The following UTRN variants were observed in gnomAD, a reference collection of about 807,000 sequenced individuals.
UTRN encodes utrophin.
UTRN carries 283 observed loss-of-function variants against 463.9 expected under a neutral mutation model. The observed-to-expected ratio is 0.61, with a 90% CI of 0.55 to 0.67. UTRN has a LOEUF of 0.67. UTRN is among the 30% of genes least tolerant of loss of function. The pLI, the probability that UTRN is intolerant of heterozygous loss-of-function variation, is 0.00. For missense variants in UTRN, 3,922 were observed against 4,084.3 expected (o/e 0.96, Z 1.08); for synonymous variants, 1,442 against 1,431.5 (o/e 1.01, Z -0.17).
In UTRN at chr6:144,458,815, C is replaced by T. The variant is rs867404357; in HGVS notation, c.2330C>T (p.Ser777Leu). Residue 777 changes from serine (S) to leucine (L), a missense_variant, in exon 20 of 75, where the codon TCA (serine) becomes TTA (leucine). By Grantham distance (145) the Ser-to-Leu change is moderately radical (BLOSUM62 -2). This residue lies in a region of UTRN where 2,349 missense variants were observed against 2,303.8 expected (regional missense o/e 1.02). Coordinates refer to ENST00000367545, the MANE Select transcript of UTRN (RefSeq NM_007124.3). ...ATAAAAAATGTTCTGGAGAAGGTTT[C>T]ATCAGAATGGAAGAATGTATCTCAA... ...EEIKNVLEKV[S>L]SEWKNVSQHL... 9 of 1,610,100 alleles carry T rather than the reference C, an allele frequency of 5.6e-6. No individual in the cohort carries two copies. In the African/African-American group the frequency reaches 1.2e-4, roughly 22 times the overall value.
intron 51 of UTRN, among the ~76,000 whole-genome samples, chr6:144,580,529 C>T (rs1801875118): frequency 6.6e-6 from 1 of 152,128 alleles, no homozygotes; most frequent in African/African-American, 2.4e-5. Flanking sequence ...ACATGCCATT[C>T]TTTTAAGGAT....
At chr6:144,499,138 T>G in intron 33 of UTRN, 119 bp from the exon 34 acceptor site, 1 of 1,055,522 alleles carries the variant, frequency 9.5e-7, no homozygotes, top group Non-Finnish European at 1.3e-6. Context: ...ACAAAGGTTA[T>G]GTATGTCTTG....
intron 51 of UTRN, among the ~76,000 whole-genome samples, chr6:144,631,237 G>GATGT (rs111543509): frequency 6.8e-6 from 1 of 147,418 alleles, no homozygotes; most frequent in East Asian, 2.0e-4. Context: ...GAGAGAGAGA[G>GATGT]GTGTGTGTGT....
intron 7 of UTRN, among the ~76,000 whole-genome samples, chr6:144,428,423 G>A (rs970653046): frequency 1.4e-5 from 2 of 138,568 alleles, no homozygotes; most frequent in African/African-American, 5.3e-5. Context: ...TTTTTCTGTG[G>A]TTTTTTTTTT....
At chr6:144,545,615 A>C (rs1032948708) in intron 46 of UTRN, among the ~76,000 whole-genome samples, 2 of 152,164 alleles carry the variant, frequency 1.3e-5, no homozygotes, top group Admixed American at 6.5e-5. Context: ...GTTCTCCTTC[A>C]GATATCCCTT....
intron 43 of UTRN, 110 bp from the exon 44 acceptor site, chr6:144,537,472 A>G: frequency 1.6e-6 from 1 of 642,962 alleles, no homozygotes. Flanking sequence ...TAATTATTAG[A>G]AATTATTTAT....
intron 54 of UTRN, among the ~76,000 whole-genome samples, chr6:144,739,388 T>C: frequency 6.6e-6 from 1 of 152,242 alleles, no homozygotes; most frequent in East Asian, 1.9e-4. Context: ...GTTACTTTTA[T>C]ATTCTCCATA....
At chr6:144,339,551 TC>T (rs1342331900) in intron 2 of UTRN, among the ~76,000 whole-genome samples, 1 of 149,494 alleles carries the variant, frequency 6.7e-6, no homozygotes, top group Admixed American at 6.6e-5. Flanking sequence ...CTCTGTGTAC[TC>T]TTTTCTTTTT....
intron 51 of UTRN, among the ~76,000 whole-genome samples, chr6:144,620,569 G>A (rs1775254878): frequency 6.6e-6 from 1 of 152,046 alleles, no homozygotes; most frequent in Non-Finnish European, 1.5e-5. Flanking sequence ...CAGCATCCAA[G>A]ATAATACTGG....
intron 4 of UTRN, 84 bp from the exon 5 acceptor site, chr6:144,423,465 C>T: frequency 7.1e-7 from 1 of 1,405,044 alleles, no homozygotes; most frequent in Non-Finnish European, 1.0e-6. Flanking sequence ...CTGAGCTTCA[C>T]TTCTGTGTGT....
chr6:144,334,419 C>CG (rs1776567646), intron 2 of UTRN, among the ~76,000 whole-genome samples: 1 of 150,860 alleles, frequency 6.6e-6, no homozygotes, highest in African/African-American at 2.5e-5. Context: ...TTAGCGCCCC[C>CG]GGGAGTGGTA....
chr6:144,826,214 A>G (rs1182201739), intron 66 of UTRN, among the ~76,000 whole-genome samples: 1 of 150,956 alleles, frequency 6.6e-6, no homozygotes, highest in Non-Finnish European at 1.5e-5. Flanking sequence ...ATAGATCTGA[A>G]GAGTCTTAGT....
At chr6:144,754,828 T>C in intron 57 of UTRN, 30 bp downstream of exon 57, 1 of 1,590,584 alleles carries the variant, frequency 6.3e-7, no homozygotes, top group Admixed American at 1.7e-5. Flanking sequence ...ACTGATCGCA[T>C]TAATTGAATG....
chr6:144,561,976 A>G (rs980736986), intron 50 of UTRN, among the ~76,000 whole-genome samples: 5 of 152,134 alleles, frequency 3.3e-5, no homozygotes, highest in Non-Finnish European at 5.9e-5. Flanking sequence ...TACTTTAATT[A>G]ATGATAAAAT....
At chr6:144,591,242 C>T (rs370898595) in intron 51 of UTRN, among the ~76,000 whole-genome samples, 1 of 152,162 alleles carries the variant, frequency 6.6e-6, no homozygotes, top group African/African-American at 2.4e-5. Flanking sequence ...GGTTCAGATG[C>T]ACCCTGGTCA....
intron 2 of UTRN, among the ~76,000 whole-genome samples, chr6:144,328,898 C>T (rs1027201005): frequency 6.6e-6 from 1 of 152,038 alleles, no homozygotes; most frequent in African/African-American, 2.4e-5. Flanking sequence ...ATTTTCCTGC[C>T]TCAGTCTCCC....
In UTRN at chr6:144,748,373, A is replaced by G; in HGVS notation, c.8067A>G (p.Ala2689=). 6.2e-7 allele frequency: 1 copy of G among 1,613,918 alleles called. No homozygotes were observed. The highest frequency in any genetic ancestry group is 8.5e-7 in the Non-Finnish European group (1 of 1,179,936). ...ATTGGCAAAAGCAAGTGGACAAGGC[A>G]TTGGAGAAACTCAGAGACCTGCAGG... ...TSNWQKQVDK[A]LEKLRDLQGA... is the part of the protein sequence containing the mutation. Residue 2689 remains alanine (A), a synonymous_variant, in exon 55 of 75, where the codon GCA becomes GCG. Transcript: ENST00000367545.
At chr6:144,306,579 T>C (rs1017111311) in intron 2 of UTRN, among the ~76,000 whole-genome samples, 11 of 152,066 alleles carry the variant, frequency 7.2e-5, no homozygotes, top group African/African-American at 1.2e-4. Context: ...CATAAGGGGA[T>C]AGTAAGTGAA....
chr6:144,297,362 G>A (rs1804819635), intron 2 of UTRN, among the ~76,000 whole-genome samples: 1 of 152,212 alleles, frequency 6.6e-6, no homozygotes, highest in South Asian at 2.1e-4. Flanking sequence ...AAGTAAACTT[G>A]CTTAACAAGA....
Sources: gnomAD v4.1 joint callset for allele counts (sites outside exome capture counted in the v4.1 genomes callset) on GRCh38, gnomAD v4.1.1 for gene constraint, gnomAD v4.1.1 regional missense constraint, MANE v1.5 for transcripts, NCBI Gene and HGNC (gene_info 2026-07-23, HGNC 2026-07-21) for gene names.